The following DPP10 variants were observed in gnomAD, a reference collection of about 807,000 sequenced individuals.
DPP10 encodes inactive dipeptidyl peptidase 10.
Under a neutral mutation model 120.9 loss-of-function variants are expected in DPP10, and 33 were observed. The observed-to-expected ratio is 0.27, with a 90% CI of 0.21 to 0.37. The LOEUF (loss-of-function observed/expected upper bound fraction) is 0.37, where lower values mean the gene tolerates loss of function less well. Ranked by LOEUF, DPP10 falls within the 10% of genes least tolerant of loss-of-function variation. The pLI, the probability that DPP10 is intolerant of heterozygous loss-of-function variation, is 1.00. For missense variants in DPP10, 816 were observed against 942.8 expected (o/e 0.87, Z 1.76); for synonymous variants, 337 against 326.1 (o/e 1.03, Z -0.36).
At chr2:114,841,620 G>A (rs916471691) in intron 1 of DPP10, among the ~76,000 whole-genome samples, 1 of 152,028 alleles carries the variant, frequency 6.6e-6, no homozygotes, top group African/African-American at 2.4e-5. Context: ...GTACTAGCTG[G>A]GGTTGAGAAT....
chr2:115,583,775 C>T (rs1018979985), intron 5 of DPP10, among the ~76,000 whole-genome samples: 1 of 152,094 alleles, frequency 6.6e-6, no homozygotes, highest in Non-Finnish European at 1.5e-5. Context: ...AATTTGTGGC[C>T]ATCTTTAATA....
intron 1 of DPP10, among the ~76,000 whole-genome samples, chr2:115,160,108 AT>A (rs2052197053): frequency 6.6e-6 from 1 of 152,232 alleles, no homozygotes; most frequent in Non-Finnish European, 1.5e-5. Flanking sequence ...TAATTACTGG[AT>A]AAGCTGCCCA....
At chr2:114,590,029 T>C (rs79194406) in intron 1 of DPP10, among the ~76,000 whole-genome samples, 14,024 of 152,038 alleles carry the variant, frequency 0.092, 736 homozygotes, top group East Asian at 0.23. Context: ...ACACATACCA[T>C]GTAGTAGTGT....
At chr2:115,762,748 G>C in intron 12 of DPP10, 138 bp downstream of exon 12, 1 of 982,070 alleles carries the variant, frequency 1.0e-6, no homozygotes, top group Non-Finnish European at 1.5e-6. Flanking sequence ...TCATTAAAAG[G>C]ATCACTTATG....
chr2:115,597,117 G>T (rs1233810247), intron 5 of DPP10, among the ~76,000 whole-genome samples: 3 of 151,940 alleles, frequency 2.0e-5, no homozygotes, highest in African/African-American at 7.3e-5. Flanking sequence ...TTGAATCCTG[G>T]GTCCCCCAAA....
intron 7 of DPP10, among the ~76,000 whole-genome samples, chr2:115,725,167 A>G (rs2092735261): frequency 6.6e-6 from 1 of 152,110 alleles, no homozygotes; most frequent in South Asian, 2.1e-4. Context: ...TGTGTGTCAT[A>G]TTTTCATTGT....
intron 1 of DPP10, among the ~76,000 whole-genome samples, chr2:114,477,977 A>G (rs149904038): frequency 3.4e-4 from 51 of 149,804 alleles, no homozygotes; most frequent in African/African-American, 1.1e-3. Flanking sequence ...ATATATGTGT[A>G]TATATGTACA....
At chr2:115,273,616 G>A (rs532625656) in intron 1 of DPP10, among the ~76,000 whole-genome samples, 9 of 152,342 alleles carry the variant, frequency 5.9e-5, no homozygotes, top group South Asian at 2.1e-4. Context: ...GATGACAGGC[G>A]TGAGCCACCG....
intron 1 of DPP10, among the ~76,000 whole-genome samples, chr2:114,487,815 T>C (rs1462454665): frequency 6.6e-6 from 1 of 152,162 alleles, no homozygotes; most frequent in Non-Finnish European, 1.5e-5. Flanking sequence ...CGTTATCTTC[T>C]AAATATCAAT....
At chr2:115,414,094 G>T (rs1353530549) in intron 3 of DPP10, among the ~76,000 whole-genome samples, 1 of 152,062 alleles carries the variant, frequency 6.6e-6, no homozygotes, top group Non-Finnish European at 1.5e-5. Flanking sequence ...TTCATGCCAG[G>T]TTTGTCTAGG....
intron 1 of DPP10, among the ~76,000 whole-genome samples, chr2:114,776,180 A>T (rs1266242258): frequency 6.6e-6 from 1 of 152,228 alleles, no homozygotes; most frequent in African/African-American, 2.4e-5. Flanking sequence ...GATACATCTT[A>T]GTTGTCATGT....
chr2:114,519,961 A>C (rs1365907578), intron 1 of DPP10, among the ~76,000 whole-genome samples: 1 of 145,306 alleles, frequency 6.9e-6, no homozygotes, highest in Non-Finnish European at 1.5e-5. Flanking sequence ...TCACACCTTT[A>C]AATCTTCCCA....
At chr2:115,100,467 C>T (rs1237759521) in intron 1 of DPP10, among the ~76,000 whole-genome samples, 1 of 151,768 alleles carries the variant, frequency 6.6e-6, no homozygotes, top group East Asian at 1.9e-4. Context: ...AAAACACACA[C>T]ACACACACAC....
chr2:114,856,375 A>G (rs1689367922), intron 1 of DPP10, among the ~76,000 whole-genome samples: 1 of 152,198 alleles, frequency 6.6e-6, no homozygotes, highest in Non-Finnish European at 1.5e-5. Context: ...ATATGTATTT[A>G]TCTGTGACCA....
At chr2:115,468,193 C>A in intron 3 of DPP10, 1 of 494,058 alleles carries the variant, frequency 2.0e-6, no homozygotes, top group Non-Finnish European at 4.0e-6. Flanking sequence ...GTGATGGCAT[C>A]TATATCCTAA....
At chr2:114,828,347 AATC>A (rs1432415077) in intron 1 of DPP10, 1 of 152,244 alleles carries the variant, frequency 6.6e-6, no homozygotes, top group Non-Finnish European at 1.5e-5. Flanking sequence ...ACATAACGTT[AATC>A]ATCATTTTAT....
Position 114,844,709 on chromosome 2 carries a change from C to CT in DPP10, c.60+401879dup, listed in dbSNP as rs968390328. On this transcript the variant is annotated intron_variant, in intron 1 of 25. Transcript: ENST00000410059. Reference sequence around the variant, plus strand: ...CTATGATCTCTCTTTAGCAATATTCCTTTTTTTTCTCCTAGCTTCATAGAT... The same window carrying CT: ...CTATGATCTCTCTTTAGCAATATTCCTTTTTTTTTCTCCTAGCTTCATAGAT... 9.2e-5 allele frequency among the ~76,000 whole-genome samples: 14 copies of CT among 151,380 alleles called. No homozygotes were observed. In the South Asian group the frequency reaches 1.7e-3, roughly 18 times the overall value.
intron 3 of DPP10, among the ~76,000 whole-genome samples, chr2:115,401,680 A>G (rs542268358): frequency 2.8e-4 from 43 of 152,334 alleles, no homozygotes; most frequent in African/African-American, 1.0e-3. Flanking sequence ...TAAGTAGAGT[A>G]TCAGTGGCTG....
chr2:114,945,560 A>G (rs1697282280), intron 1 of DPP10, among the ~76,000 whole-genome samples: 1 of 152,188 alleles, frequency 6.6e-6, no homozygotes, highest in Admixed American at 6.5e-5. Context: ...CAATCCTGTA[A>G]TCCCAGCACT....
Sources: gnomAD v4.1 joint callset for allele counts (sites outside exome capture counted in the v4.1 genomes callset) on GRCh38, gnomAD v4.1.1 for gene constraint, MANE v1.5 for transcripts, NCBI Gene and HGNC (gene_info 2026-07-23, HGNC 2026-07-21) for gene names.